MDGA2: variants seen among roughly 807,000 people sequenced by gnomAD.
MDGA2 encodes the protein MAM domain containing glycosylphosphatidylinositol anchor 2.
In MDGA2, 40 loss-of-function variants were observed where a neutral mutation model predicts 117.8. The observed-to-expected ratio is 0.34, with a 90% CI of 0.26 to 0.44. The LOEUF is 0.44. Among genes scored for constraint, MDGA2 ranks in the 20% least tolerant of loss-of-function variants. MDGA2 has a pLI of 1.00. For missense variants in MDGA2, 1,123 were observed against 1,250.6 expected (o/e 0.90, Z 1.54); for synonymous variants, 452 against 439.0 (o/e 1.03, Z -0.37).
chr14:47,611,207 T>G (rs1896841632), intron 1 of MDGA2, among the ~76,000 whole-genome samples: 1 of 152,034 alleles, frequency 6.6e-6, no homozygotes, highest in Non-Finnish European at 1.5e-5. Flanking sequence ...AAAAATCACC[T>G]CAATATGGAT....
Position 47,561,158 on chromosome 14 carries a change from G to GTTTTTTTTTTTT in MDGA2, c.280+113358_280+113359insAAAAAAAAAAAA, listed in dbSNP as rs200625450. On this transcript the variant is annotated intron_variant, in intron 1 of 16. Transcript: ENST00000399232. The stretch of plus-strand genomic sequence containing the variant: ...CTATCTTTGTTTTTTTTTTTGTTTT[G>GTTTTTTTTTTTT]TTTTGTTTTTTTGTTTGTTTGTTTT... Among the ~76,000 whole-genome samples, 27 of 55,054 alleles carry GTTTTTTTTTTTT rather than the reference G, an allele frequency of 4.9e-4. 1 individual carries two copies. The highest frequency in any genetic ancestry group is 1.3e-3 in the East Asian group (1 of 758). The allele number at this position is 55,054 out of a possible 152,430, so 36.1% of individuals were successfully genotyped here.
chr14:47,505,811 A>G (rs185897358), intron 1 of MDGA2, among the ~76,000 whole-genome samples: 2 of 152,338 alleles, frequency 1.3e-5, no homozygotes, highest in African/African-American at 2.4e-5. Flanking sequence ...TGTGTTCGGC[A>G]TATATCCATT....
At chr14:46,894,196 T>C in intron 10 of MDGA2, among the ~76,000 whole-genome samples, 1 of 152,074 alleles carries the variant, frequency 6.6e-6, no homozygotes, top group East Asian at 1.9e-4. Context: ...CTTCATTTCC[T>C]CAGTTGAAGA....
chr14:47,161,856 G>A (rs539858846), intron 3 of MDGA2, among the ~76,000 whole-genome samples: 27 of 145,664 alleles, frequency 1.9e-4, no homozygotes, highest in African/African-American at 6.6e-4. Context: ...GAATCTAATT[G>A]GGTTCTTATT....
rs3039658 is a variant in MDGA2, at chr14:47,508,352, A to ACTCTCTCTCTCTCTCTCTCTCTCT, written c.280+166141_280+166164dup. 1.5e-3 allele frequency among the ~76,000 whole-genome samples: 193 copies of ACTCTCTCTCTCTCTCTCTCTCTCT among 132,810 alleles called. 3 individuals are homozygous for ACTCTCTCTCTCTCTCTCTCTCTCT. The highest frequency in any genetic ancestry group is 4.9e-3 in the African/African-American group (169 of 34,504). 87.1% of individuals were successfully genotyped at this position (132,810 alleles called of 152,430 possible). On this transcript the variant is annotated intron_variant, in intron 1 of 16. Transcript: ENST00000399232. The stretch of plus-strand genomic sequence containing the variant: ...CACATATTTCCTAATTTGCTGATTG[A>ACTCTCTCTCTCTCTCTCTCTCTCT]CTCTCTCTCTCTCTCTCTCTCTCTC...
rs191375698 is a variant in MDGA2, at chr14:47,539,804, G to A, written c.280+134713C>T. 4.6e-5 allele frequency among the ~76,000 whole-genome samples: 7 copies of A among 152,284 alleles called. 1 individual carries two copies. Among genetic ancestry groups the A allele is most frequent in the African/African-American group, 1.7e-4 (7 of 41,574 alleles). ...TTATATATGGTTCATACCACAGTCAGTGAAAGCTGAAGTAGTAGCAGTCAC... is the reference window on the plus strand; with the variant it reads ...TTATATATGGTTCATACCACAGTCAATGAAAGCTGAAGTAGTAGCAGTCAC... On this transcript the variant is annotated intron_variant, in intron 1 of 16. Transcript: ENST00000399232.
chr14:47,149,523 G>A (rs1883080815), intron 3 of MDGA2, among the ~76,000 whole-genome samples: 1 of 152,156 alleles, frequency 6.6e-6, no homozygotes. Context: ...TACTGCTTTA[G>A]TCAAGGAGGT....
At chr14:47,123,092 A>G (rs1881733109) in intron 5 of MDGA2, among the ~76,000 whole-genome samples, 1 of 152,054 alleles carries the variant, frequency 6.6e-6, no homozygotes, top group Non-Finnish European at 1.5e-5. Context: ...AAATATTTGT[A>G]TTGTGAGATG....
intron 3 of MDGA2, chr14:47,200,550 G>A (rs949154493): frequency 5.0e-6 from 1 of 199,486 alleles, no homozygotes; most frequent in Non-Finnish European, 7.8e-6. Flanking sequence ...TTTTTTTTTT[G>A]AGGAGTTAAC....
chr14:47,077,198 C>T (rs1242417029), intron 6 of MDGA2, among the ~76,000 whole-genome samples: 1 of 152,054 alleles, frequency 6.6e-6, no homozygotes, highest in Admixed American at 6.5e-5. Flanking sequence ...TATCTTTTCC[C>T]CTTTCACTAA....
chr14:47,102,295 T>G (rs1292320424), intron 5 of MDGA2, among the ~76,000 whole-genome samples: 1 of 151,972 alleles, frequency 6.6e-6, no homozygotes, highest in Admixed American at 6.6e-5. Flanking sequence ...AAGACTTTTT[T>G]TTTTTTGAAT....
intron 1 of MDGA2, among the ~76,000 whole-genome samples, chr14:47,303,578 T>A (rs1416131024): frequency 6.6e-6 from 1 of 152,166 alleles, no homozygotes; most frequent in Non-Finnish European, 1.5e-5. Flanking sequence ...ACTAGTGAAG[T>A]ACTTATTTTT....
intron 10 of MDGA2, among the ~76,000 whole-genome samples, chr14:46,908,713 T>C (rs975424827): frequency 1.3e-5 from 2 of 152,224 alleles, no homozygotes; most frequent in Admixed American, 6.5e-5. Context: ...GGGTTATAAA[T>C]GTAGCCACTA....
chr14:47,238,384 T>C (rs904254091), intron 2 of MDGA2, among the ~76,000 whole-genome samples: 4 of 152,032 alleles, frequency 2.6e-5, no homozygotes, highest in Admixed American at 6.5e-5. Context: ...AGGTGGTTAA[T>C]ACTCACCTCC....
At chr14:47,652,429 C>G (rs997907967) in intron 1 of MDGA2, among the ~76,000 whole-genome samples, 1 of 152,134 alleles carries the variant, frequency 6.6e-6, no homozygotes. Context: ...ATCAGAAACA[C>G]ATGAATGTTC....
intron 2 of MDGA2, among the ~76,000 whole-genome samples, chr14:47,284,531 G>A (rs531567918): frequency 2.0e-5 from 3 of 152,012 alleles, no homozygotes; most frequent in Non-Finnish European, 4.4e-5. Context: ...GAAAGTTTTT[G>A]CTTGTCAACC....
At chr14:47,616,602 C>G (rs1896952332) in intron 1 of MDGA2, among the ~76,000 whole-genome samples, 1 of 152,068 alleles carries the variant, frequency 6.6e-6, no homozygotes, top group Non-Finnish European at 1.5e-5. Context: ...AGTAATGGGC[C>G]AAATGGTTCC....
chr14:47,454,036 C>T (rs1324261562), intron 1 of MDGA2, among the ~76,000 whole-genome samples: 3 of 152,182 alleles, frequency 2.0e-5, no homozygotes, highest in African/African-American at 7.2e-5. Flanking sequence ...TTATAGCATA[C>T]ATTACTTTGA....
intron 6 of MDGA2, among the ~76,000 whole-genome samples, chr14:47,076,339 C>A (rs1019763201): frequency 1.3e-5 from 2 of 151,800 alleles, no homozygotes; most frequent in Non-Finnish European, 2.9e-5. Flanking sequence ...CCAATATATA[C>A]CATATGTAAT....
Sources: allele counts gnomAD v4.1 joint callset (sites outside exome capture counted in the v4.1 genomes callset), GRCh38; gene constraint gnomAD v4.1.1; transcripts MANE v1.5; gene names NCBI Gene and HGNC (gene_info 2026-07-23, HGNC 2026-07-21).